Variants in FKBP15 observed in about 807,000 individuals in gnomAD.
The protein encoded by FKBP15 is FKBP prolyl isomerase family member 15, also known as FK506-binding protein 15.
In FKBP15, 106 loss-of-function variants were observed where a neutral mutation model predicts 158.1. That is an observed-to-expected ratio of 0.67 (90% confidence interval 0.57 to 0.79). The LOEUF (loss-of-function observed/expected upper bound fraction) is 0.79, where lower values mean the gene tolerates loss of function less well. Among genes scored for constraint, FKBP15 ranks in the 30% least tolerant of loss-of-function variants. FKBP15 has a pLI of 0.00. For missense variants in FKBP15, 1,287 were observed against 1,479.1 expected (o/e 0.87, Z 2.13); for synonymous variants, 547 against 548.6 (o/e 1.00, Z 0.04).
intron 3 of FKBP15, 113 bp downstream of exon 3, chr9:113,207,099 C>A: frequency 1.3e-6 from 1 of 776,682 alleles, no homozygotes; most frequent in Non-Finnish European, 2.2e-6. Flanking sequence ...ATATTTTGTC[C>A]GTGGAAGGGC....
intron 1 of FKBP15, among the ~76,000 whole-genome samples, chr9:113,218,439 A>G (rs979060613): frequency 4.0e-5 from 6 of 149,414 alleles, no homozygotes; most frequent in African/African-American, 1.5e-4. Context: ...AAATGGGCAT[A>G]GTAGGTAAAA....
intron 1 of FKBP15, among the ~76,000 whole-genome samples, chr9:113,215,655 T>C (rs1248723565): frequency 1.5e-5 from 2 of 133,618 alleles, no homozygotes; most frequent in African/African-American, 5.6e-5. Context: ...TTTTTTTTTT[T>C]TTTTTTTTTT....
Position 113,186,542 on chromosome 9 carries a change from A to G in FKBP15, c.1384-179T>C, listed in dbSNP as rs571993802. ...AAGGACTGCAGCAGGAGAGTTATCT[A>G]TGTATCCCAGGGGAAACCAGTCACT... On this transcript the variant is annotated intron_variant, in intron 14 of 27. Transcript: ENST00000238256. 3 of 578,834 alleles carry G rather than the reference A, an allele frequency of 5.2e-6. No individual in the cohort carries two copies. The African/African-American group carries it at 5.6e-5, about 11-fold the overall frequency. The allele number at this position is 578,834 out of a possible 1,614,324, so 35.9% of individuals were successfully genotyped here.
chr9:113,203,553 A>G (rs1398013825), intron 4 of FKBP15, among the ~76,000 whole-genome samples: 1 of 150,828 alleles, frequency 6.6e-6, no homozygotes, highest in Admixed American at 6.6e-5. Flanking sequence ...TTTTTGAGAC[A>G]GAGTCTCTCT....
In FKBP15 at chr9:113,162,617, C is replaced by A. The variant is rs1830031879; in HGVS notation, c.*3461G>T. ...TGGGAGGGGCAGAAAGAAATCACTC[C>A]TGGGTTAAGCATACAAGTTATAAAT... is the stretch of plus-strand genomic sequence containing the variant. On this transcript the variant is annotated 3_prime_UTR_variant, in exon 28 of 28. Transcript: ENST00000238256. The A allele has an allele frequency of 1.2e-6, 1 of 823,136 alleles. No homozygotes were observed. The highest frequency in any genetic ancestry group is 1.9e-6 in the Non-Finnish European group (1 of 530,566). The allele number at this position is 823,136 out of a possible 1,614,324, so 51.0% of individuals were successfully genotyped here. A position where few individuals can be genotyped will look rare whatever the true frequency, so the allele number is the denominator to read the frequency against.
chr9:113,211,628 T>C lies in FKBP15; in HGVS notation c.54-36A>G, dbSNP rs191099543. On this transcript the variant is annotated intron_variant, in intron 1 of 27. Coordinates refer to ENST00000238256, the MANE Select transcript of FKBP15 (RefSeq NM_015258.2). ...AAAATGAAAAATGAAATTTCACTGA[T>C]ATATCCCAAACCTGGAATTATTATA... The C allele has an allele frequency of 1.2e-5, 17 of 1,467,644 alleles. No homozygotes were observed. In the African/African-American group the frequency reaches 2.4e-4, roughly 20 times the overall value. The allele number at this position is 1,467,644 out of a possible 1,614,324, so 90.9% of individuals were successfully genotyped here.
In FKBP15 at chr9:113,163,286, C is replaced by T. The variant is rs770444480; in HGVS notation, c.*2792G>A. ...GAGAAGGGTTCTTGGTGATGCAGGGCATGGAACCTGGACACCCTCAGCTCT... is the reference window on the plus strand; with the variant it reads ...GAGAAGGGTTCTTGGTGATGCAGGGTATGGAACCTGGACACCCTCAGCTCT... On this transcript the variant is annotated 3_prime_UTR_variant, in exon 28 of 28. Coordinates refer to ENST00000238256, the MANE Select transcript of FKBP15 (RefSeq NM_015258.2). The T allele has an allele frequency of 1.5e-4, 24 of 162,396 alleles. No homozygotes were observed. Among genetic ancestry groups the T allele is most frequent in the Non-Finnish European group, 5.3e-5 (4 of 74,788 alleles). 10.1% of individuals were successfully genotyped at this position (162,396 alleles called of 1,614,324 possible).
Position 113,187,726 on chromosome 9 carries a change from A to G in FKBP15, c.1383+67T>C. 4 of 1,267,288 alleles carry G rather than the reference A, an allele frequency of 3.2e-6. No individual in the cohort carries two copies. In the South Asian group the frequency reaches 5.1e-5, roughly 16 times the overall value. The allele number at this position is 1,267,288 out of a possible 1,614,324, so 78.5% of individuals were successfully genotyped here. On this transcript the variant is annotated intron_variant, in intron 14 of 27. Transcript: ENST00000238256. ...GCTACTGTATGAAATGTACAGGAAG[A>G]AGAAAAGAGACTGACTAGAACCACA...
Position 113,166,134 on chromosome 9 carries a change from G to C in FKBP15, c.3604C>G (p.Pro1202Ala). ...TCATCATCTCCAAAAAGGGGCGTTG[G>C]GGGCGGGCGTCCCTTCATGCTCTGA... ...DEVSMKGRPP[P>A]TPLFGDDDDD... The change falls in exon 28 of 28, where the codon CCA becomes GCA. Residue 1202 changes from proline to alanine, a missense_variant. Coordinates refer to ENST00000238256, the MANE Select transcript of FKBP15 (RefSeq NM_015258.2). 2.5e-6 allele frequency: 4 copies of C among 1,613,486 alleles called. No individual in the cohort carries two copies. Among genetic ancestry groups the C allele is most frequent in the Non-Finnish European group, 3.4e-6 (4 of 1,179,710 alleles).
intron 1 of FKBP15, among the ~76,000 whole-genome samples, chr9:113,212,755 G>A (rs563383241): frequency 6.6e-6 from 1 of 152,082 alleles, no homozygotes; most frequent in East Asian, 1.9e-4. Context: ...ATGTCTCCAG[G>A]GCTTCATACT....
chr9:113,168,327 T>A, intron 27 of FKBP15, 133 bp downstream of exon 27: 162 of 606,498 alleles, frequency 2.7e-4, no homozygotes, highest in Middle Eastern at 1.0e-3. Flanking sequence ...GCCCCAAGCC[T>A]GCTCCCACAG....
intron 6 of FKBP15, among the ~76,000 whole-genome samples, chr9:113,200,309 T>A (rs1830763774): frequency 6.6e-6 from 1 of 152,214 alleles, no homozygotes; most frequent in African/African-American, 2.4e-5. Flanking sequence ...CTTGACAAGG[T>A]ACCTGGCAAA....
chr9:113,202,758 T>G, intron 5 of FKBP15, 129 bp from the exon 6 acceptor site: 1 of 804,534 alleles, frequency 1.2e-6, no homozygotes, highest in Non-Finnish European at 2.0e-6. Flanking sequence ...ATCTTTCTTC[T>G]TCCCTCTCAC....
chr9:113,201,282 T>C (rs1427984755), intron 6 of FKBP15, among the ~76,000 whole-genome samples: 2 of 152,130 alleles, frequency 1.3e-5, no homozygotes, highest in Non-Finnish European at 2.9e-5. Flanking sequence ...ATCACTCACT[T>C]ACTGAAATAA....
At chr9:113,207,764 T>C (rs938171560) in intron 2 of FKBP15, among the ~76,000 whole-genome samples, 1 of 151,934 alleles carries the variant, frequency 6.6e-6, no homozygotes, top group Non-Finnish European at 1.5e-5. Flanking sequence ...AGTCTGGGGG[T>C]GAAGAAACTG....
Position 113,187,886 on chromosome 9 carries a change from A to G in FKBP15, c.1290T>C (p.Ser430=). The change falls in exon 14 of 28, where the codon TCT becomes TCC. Residue 430 remains serine (S), a synonymous_variant. Transcript: ENST00000238256. ...CAGAAGGTGCCTGGAGCCCAGTAAC[A>G]GATGGCTGAGGTGCTAAGATAAAGG... is the stretch of plus-strand genomic sequence containing the variant. ...PQMTSQAPQP[S]VTGLQAPSAA... is the part of the protein sequence containing the mutation. The G allele has an allele frequency of 3.1e-6, 5 of 1,613,738 alleles. No homozygotes were observed. The highest frequency in any genetic ancestry group is 4.2e-6 in the Non-Finnish European group (5 of 1,179,666).
intron 6 of FKBP15, among the ~76,000 whole-genome samples, 189 bp downstream of exon 6, chr9:113,202,342 A>G (rs1484145076): frequency 6.6e-6 from 1 of 152,280 alleles, no homozygotes; most frequent in Non-Finnish European, 1.5e-5. Context: ...ATTGTCAAGC[A>G]GTTTCAGTAA....
chr9:113,168,069 T>TA (rs1246317309), intron 27 of FKBP15, among the ~76,000 whole-genome samples: 1 of 152,180 alleles, frequency 6.6e-6, no homozygotes, highest in Non-Finnish European at 1.5e-5. Context: ...TCAGGTTTTT[T>TA]ATCTATGAAT....
chr9:113,200,713 C>T (rs1043939752), intron 6 of FKBP15, among the ~76,000 whole-genome samples: 7 of 152,102 alleles, frequency 4.6e-5, no homozygotes, highest in Non-Finnish European at 1.0e-4. Flanking sequence ...AGTGTTTTAA[C>T]ATAGTATCCA....
Sources: allele counts gnomAD v4.1 joint callset (sites outside exome capture counted in the v4.1 genomes callset), GRCh38; gene constraint gnomAD v4.1.1; transcripts MANE v1.5; gene names NCBI Gene and HGNC (gene_info 2026-07-23, HGNC 2026-07-21).